CTBP2: variants seen among roughly 807,000 people sequenced by gnomAD.
CTBP2 encodes C-terminal-binding protein 2.
CTBP2 carries 30 observed loss-of-function variants against 80.3 expected under a neutral mutation model. The ratio of observed to expected loss-of-function variants is 0.37; its 90% CI spans 0.28 to 0.51. CTBP2 has a LOEUF of 0.51. CTBP2 is among the 20% of genes least tolerant of loss of function. CTBP2 has a pLI of 0.93. For synonymous variants in CTBP2, 594 were observed against 587.4 expected (o/e 1.01, Z -0.16); for missense variants, 1,212 against 1,375.3 (o/e 0.88, Z 1.88).
chr10:125,111,798 G>A (rs1237356245), intron 1 of CTBP2, among the ~76,000 whole-genome samples: 1 of 152,218 alleles, frequency 6.6e-6, no homozygotes, highest in Admixed American at 6.5e-5. Context: ...AGCTGTGAGA[G>A]AAGAGAGCAA....
intron 2 of CTBP2, among the ~76,000 whole-genome samples, chr10:125,048,001 C>T (rs533502995): frequency 2.6e-5 from 4 of 152,268 alleles, no homozygotes; most frequent in South Asian, 2.1e-4. Context: ...CTGGAATCCT[C>T]GACTGATTTT....
chr10:125,109,804 T>C (rs977155153), intron 2 of CTBP2, among the ~76,000 whole-genome samples: 1 of 152,240 alleles, frequency 6.6e-6, no homozygotes, highest in Admixed American at 6.5e-5. Flanking sequence ...CCAATCCACC[T>C]GTTCGATTCA....
rs1852252278 is a variant in CTBP2 at position 125,111,255 on chromosome 10, C to A, written c.-205-162G>T. Among the ~76,000 whole-genome samples the A allele has an allele frequency of 4.6e-5, 7 of 152,198 alleles. No homozygotes were observed. The South Asian group carries it at 1.5e-3, about 32-fold the overall frequency. On this transcript the variant is annotated intron_variant, in intron 1 of 10. Transcript: ENST00000337195. ...AAAATACTATTTGTCTTGCTTTAGTCACACACCAGATCAAATTAAACAGTA... is the reference window on the plus strand; with the variant it reads ...AAAATACTATTTGTCTTGCTTTAGTAACACACCAGATCAAATTAAACAGTA...
intron 2 of CTBP2, among the ~76,000 whole-genome samples, chr10:125,051,988 T>A (rs1962886731): frequency 6.6e-6 from 1 of 152,206 alleles, no homozygotes; most frequent in Non-Finnish European, 1.5e-5. Context: ...CCCCTGCGGA[T>A]GCCTTATCTC....
rs1957569527 is a variant in CTBP2, at chr10:125,026,466, G to C, written c.1294C>G (p.His432Asp). 6.3e-7 allele frequency: 1 copy of C among 1,599,898 alleles called. No homozygotes were observed. Among genetic ancestry groups the C allele is most frequent in the Admixed American group, 1.7e-5 (1 of 59,206 alleles). ...CTGTACCCGGAGTTGGAGGGGAAGT[G>C]TGGGGCATGGGTGCCCACGCCAGGG... Residue 432 changes from histidine to aspartate, a missense_variant, in exon 1 of 9, where the codon CAC becomes GAC. His to Asp is a moderately conservative substitution (Grantham distance 81). Coordinates refer to ENST00000309035, the MANE Select transcript of CTBP2 (RefSeq NM_022802.3).
intron 1 of CTBP2, among the ~76,000 whole-genome samples, chr10:125,133,939 G>A (rs1856568350): frequency 6.6e-6 from 1 of 152,194 alleles, no homozygotes; most frequent in Non-Finnish European, 1.5e-5. Context: ...GAAGACTGGA[G>A]CAGCTTCTTT....
intron 3 of CTBP2, among the ~76,000 whole-genome samples, chr10:125,036,668 GGTGTGTGTGTGTGTGTGTGTGTGTGTGT>G (rs59284647): frequency 8.4e-6 from 1 of 119,350 alleles, no homozygotes; most frequent in East Asian, 2.2e-4. Flanking sequence ...AGCTAGAGGG[GGTGTGTGTGTGTGTGTGTGTGTGTGTGT>G]GTGTGTGTGT....
intron 2 of CTBP2, among the ~76,000 whole-genome samples, chr10:125,074,594 C>T (rs1472830128): frequency 6.6e-6 from 1 of 152,226 alleles, no homozygotes; most frequent in African/African-American, 2.4e-5. Context: ...GATCCGCCCG[C>T]CTCGGCCTCC....
chr10:125,100,610 CTTTA>C (rs2135805261), intron 2 of CTBP2: 1 of 152,210 alleles, frequency 6.6e-6, no homozygotes, highest in South Asian at 2.1e-4. Flanking sequence ...CTAAGCATGT[CTTTA>C]TTTGTATGTT....
intron 2 of CTBP2, among the ~76,000 whole-genome samples, chr10:125,056,152 G>A (rs1032873732): frequency 4.1e-5 from 6 of 148,038 alleles, no homozygotes; most frequent in Non-Finnish European, 7.4e-5. Context: ...GCAATACAGC[G>A]AGATTGTGTC....
At chr10:125,078,642 G>A (rs984788134) in intron 2 of CTBP2, among the ~76,000 whole-genome samples, 4 of 152,074 alleles carry the variant, frequency 2.6e-5, no homozygotes, top group Admixed American at 2.0e-4. Context: ...GCCAAGCTGC[G>A]ATGGTTGGGG....
At chr10:125,161,977 C>G (rs925373930), upstream of CTBP2, among the ~76,000 whole-genome samples, 1 of 152,204 alleles carries the variant, frequency 6.6e-6, no homozygotes, top group Non-Finnish European at 1.5e-5. Flanking sequence ...ATTCCCCGCC[C>G]GTGACCCGCG....
intron 2 of CTBP2, among the ~76,000 whole-genome samples, chr10:125,080,597 A>T (rs1244756390): frequency 6.6e-6 from 1 of 152,240 alleles, no homozygotes; most frequent in African/African-American, 2.4e-5. Flanking sequence ...CCCCACTGCC[A>T]AAGGGTCTCC....
At chr10:125,067,936 G>C (rs1431220441) in intron 2 of CTBP2, among the ~76,000 whole-genome samples, 1 of 152,106 alleles carries the variant, frequency 6.6e-6, no homozygotes, top group Non-Finnish European at 1.5e-5. Context: ...GTATACCCTA[G>C]GAGGCACCCC....
intron 1 of CTBP2, among the ~76,000 whole-genome samples, chr10:125,010,735 A>G (rs1955788136): frequency 6.6e-6 from 1 of 152,284 alleles, no homozygotes; most frequent in South Asian, 2.1e-4. Flanking sequence ...ATGAGGAGAG[A>G]ATGAGAGAGC....
intron 1 of CTBP2, among the ~76,000 whole-genome samples, chr10:125,115,933 C>G (rs1853186438): frequency 6.6e-6 from 1 of 152,158 alleles, no homozygotes; most frequent in South Asian, 2.1e-4. Context: ...CCCTATACTC[C>G]ACACCCCTGC....
chr10:125,033,861 T>A (rs1958536403), intron 3 of CTBP2, among the ~76,000 whole-genome samples: 2 of 151,908 alleles, frequency 1.3e-5, no homozygotes, highest in Admixed American at 1.3e-4. Flanking sequence ...TTCAACTCAA[T>A]CATCGATGGA....
chr10:125,080,579 G>C (rs911513274), intron 2 of CTBP2, among the ~76,000 whole-genome samples: 25 of 152,220 alleles, frequency 1.6e-4, no homozygotes, highest in African/African-American at 6.0e-4. Context: ...TCTAAAAGGA[G>C]CTCCAGGCCC....
At chr10:125,081,986 C>T (rs953642069) in intron 2 of CTBP2, among the ~76,000 whole-genome samples, 3 of 152,074 alleles carry the variant, frequency 2.0e-5, no homozygotes, top group Non-Finnish European at 2.9e-5. Context: ...GCATGGTCAG[C>T]GCTGCCCAGG....
Sources: gnomAD v4.1 joint callset for allele counts (sites outside exome capture counted in the v4.1 genomes callset) on GRCh38, gnomAD v4.1.1 for gene constraint, MANE v1.5 for transcripts, NCBI Gene and HGNC (gene_info 2026-07-23, HGNC 2026-07-21) for gene names.